The following SCMH1 variants were observed in gnomAD, a reference collection of about 807,000 sequenced individuals.
SCMH1 encodes the protein Scm polycomb group protein homolog 1, also known as polycomb protein SCMH1.
In SCMH1, 37 loss-of-function variants were observed where a neutral mutation model predicts 70.8. The ratio of observed to expected loss-of-function variants is 0.52; its 90% CI spans 0.40 to 0.69. The LOEUF (loss-of-function observed/expected upper bound fraction) is 0.69, where lower values mean the gene tolerates loss of function less well. SCMH1 is among the 30% of genes least tolerant of loss of function. The pLI, the probability that SCMH1 is intolerant of heterozygous loss-of-function variation, is 0.00. For synonymous variants in SCMH1, 292 were observed against 307.4 expected (o/e 0.95, Z 0.52); for missense variants, 607 against 827.3 (o/e 0.73, Z 3.27).
chr1:41,094,900 A>G (rs1664661703), intron 8 of SCMH1, among the ~76,000 whole-genome samples: 1 of 151,930 alleles, frequency 6.6e-6, no homozygotes, highest in Non-Finnish European at 1.5e-5. Context: ...AAAAAAAAAA[A>G]AAAATTCTTT....
intron 8 of SCMH1, among the ~76,000 whole-genome samples, chr1:41,085,116 T>C (rs1394318062): frequency 6.7e-6 from 1 of 149,854 alleles, no homozygotes; most frequent in Non-Finnish European, 1.5e-5. Context: ...CCCTAAAACT[T>C]AAAGTATAAT....
At chr1:41,215,944 A>G (rs1359953344) in intron 1 of SCMH1, among the ~76,000 whole-genome samples, 1 of 152,218 alleles carries the variant, frequency 6.6e-6, no homozygotes. Flanking sequence ...ATTACAAAAT[A>G]TAAATGTTTC....
At chr1:41,056,237 C>T (rs892335966) in intron 10 of SCMH1, among the ~76,000 whole-genome samples, 10 of 152,188 alleles carry the variant, frequency 6.6e-5, no homozygotes, top group East Asian at 5.8e-4. Context: ...TATCCTTTGG[C>T]GAGAACCAAC....
chr1:41,111,098 T>C (rs143624629), intron 8 of SCMH1, among the ~76,000 whole-genome samples: 1 of 152,374 alleles, frequency 6.6e-6, no homozygotes, highest in Admixed American at 6.5e-5. Context: ...GAAATATCTA[T>C]CCAAATCCTT....
At chr1:41,147,252 C>T (rs1004241867) in intron 5 of SCMH1, among the ~76,000 whole-genome samples, 1 of 152,072 alleles carries the variant, frequency 6.6e-6, no homozygotes, top group Non-Finnish European at 1.5e-5. Context: ...CCTTTTATTT[C>T]TTTTTCTGGC....
At chr1:41,209,401 G>A (rs1044329513) in intron 1 of SCMH1, among the ~76,000 whole-genome samples, 2 of 152,304 alleles carry the variant, frequency 1.3e-5, no homozygotes, top group Non-Finnish European at 1.5e-5. Flanking sequence ...AAGCCTGGCA[G>A]AGACACAACA....
intron 12 of SCMH1, among the ~76,000 whole-genome samples, chr1:41,040,186 C>G (rs1458622060): frequency 6.6e-6 from 1 of 152,122 alleles, no homozygotes; most frequent in Non-Finnish European, 1.5e-5. Context: ...TGGGATCAAA[C>G]AAACATTTGT....
chr1:41,098,761 T>G (rs942887620), intron 8 of SCMH1: 2 of 21,038 alleles, frequency 9.5e-5, no homozygotes, highest in Non-Finnish European at 1.9e-4. Flanking sequence ...TCCCCCTTCC[T>G]CCCCCCGACC....
intron 9 of SCMH1, among the ~76,000 whole-genome samples, chr1:41,071,741 C>T (rs767745211): frequency 4.6e-5 from 7 of 152,002 alleles, no homozygotes; most frequent in East Asian, 1.9e-4. Context: ...TGGTTCACTG[C>T]GACCTCCACC....
intron 2 of SCMH1, among the ~76,000 whole-genome samples, chr1:41,168,891 G>C (rs1557722479): frequency 6.6e-6 from 1 of 152,124 alleles, no homozygotes; most frequent in Non-Finnish European, 1.5e-5. Context: ...CAATACCGTA[G>C]AGTAGGAGCC....
At chr1:41,072,621 G>A (rs796129552) in intron 9 of SCMH1, among the ~76,000 whole-genome samples, 18 of 152,312 alleles carry the variant, frequency 1.2e-4, no homozygotes, top group African/African-American at 4.1e-4. Context: ...CAGCACTATG[G>A]GAGGTCTAGG....
At chr1:41,175,244 A>G (rs1203454166) in intron 2 of SCMH1, among the ~76,000 whole-genome samples, 1 of 152,224 alleles carries the variant, frequency 6.6e-6, no homozygotes, top group East Asian at 1.9e-4. Context: ...AGGTGAAGGA[A>G]GAGTGAATTA....
At chr1:41,073,891 G>C (rs559724332) in intron 9 of SCMH1, among the ~76,000 whole-genome samples, 54 of 152,162 alleles carry the variant, frequency 3.5e-4, no homozygotes, top group South Asian at 6.2e-4. Flanking sequence ...TAATGAGATT[G>C]GGATGGAGGA....
exon 15 of SCMH1, chr1:41,027,889 G>A (rs1455003442): frequency 5.7e-6 from 2 of 348,236 alleles, no homozygotes; most frequent in Non-Finnish European, 1.0e-5. Flanking sequence ...CACGTGGAAG[G>A]CATTCAGCCT....
At chr1:41,133,014 T>C (rs1315284738) in intron 6 of SCMH1, among the ~76,000 whole-genome samples, 2 of 152,182 alleles carry the variant, frequency 1.3e-5, no homozygotes, top group Non-Finnish European at 2.9e-5. Context: ...AGGATTGTCT[T>C]GGTCATGTGG....
At chr1:41,092,063 A>G (rs953830826) in intron 8 of SCMH1, among the ~76,000 whole-genome samples, 4 of 152,232 alleles carry the variant, frequency 2.6e-5, no homozygotes, top group African/African-American at 9.6e-5. Flanking sequence ...CCGCATTGCC[A>G]AGACAATCCT....
At chr1:41,172,605 A>G (rs994404859) in intron 2 of SCMH1, among the ~76,000 whole-genome samples, 2 of 152,180 alleles carry the variant, frequency 1.3e-5, no homozygotes, top group African/African-American at 4.8e-5. Flanking sequence ...GTACGGAACC[A>G]TTAAAGTCTC....
intron 2 of SCMH1, among the ~76,000 whole-genome samples, chr1:41,170,430 T>G (rs1488978313): frequency 6.6e-6 from 1 of 152,206 alleles, no homozygotes; most frequent in Non-Finnish European, 1.5e-5. Flanking sequence ...GGTAGGAATC[T>G]TTCAACTAGT....
chr1:41,028,448 C>T, intron 14 of SCMH1, 129 bp from the exon 16 acceptor site: 3 of 1,498,178 alleles, frequency 2.0e-6, no homozygotes, highest in Non-Finnish European at 2.7e-6. Context: ...AGTTCACCTG[C>T]TGTGATGCTG....
Sources: gnomAD v4.1 joint callset for allele counts (sites outside exome capture counted in the v4.1 genomes callset) on GRCh38, gnomAD v4.1.1 for gene constraint, MANE v1.5 for transcripts, NCBI Gene and HGNC (gene_info 2026-07-23, HGNC 2026-07-21) for gene names.